NALF1: variants seen among roughly 807,000 people sequenced by gnomAD.
NALF1 encodes the protein family with sequence similarity 155 member A.
A neutral mutation model predicts 48.4 loss-of-function variants in NALF1; 3 were observed. The ratio of observed to expected loss-of-function variants is 0.06; its 90% CI spans 0.03 to 0.16. NALF1 has a LOEUF of 0.16. Among genes scored for constraint, NALF1 ranks in the 10% least tolerant of loss-of-function variants. The probability of loss-of-function intolerance (pLI) is 1.00; values close to 1 mark genes in which losing one functional copy is unlikely to be tolerated. For synonymous variants in NALF1, 262 were observed against 245.7 expected (o/e 1.07, Z -0.62); for missense variants, 526 against 571.5 (o/e 0.92, Z 0.81).
At chr13:107,819,818 CTCTT>C (rs1249074941) in intron 1 of NALF1, among the ~76,000 whole-genome samples, 1 of 151,506 alleles carries the variant, frequency 6.6e-6, no homozygotes, top group Non-Finnish European at 1.5e-5. Context: ...TCTTTTTCTC[CTCTT>C]TCTTCTCTCA....
intron 1 of NALF1, among the ~76,000 whole-genome samples, chr13:107,515,524 T>G (rs1319061725): frequency 6.6e-6 from 1 of 152,202 alleles, no homozygotes; most frequent in African/African-American, 2.4e-5. Context: ...CCACATTACA[T>G]AGTTTCATGA....
intron 1 of NALF1, among the ~76,000 whole-genome samples, chr13:107,796,530 AT>A (rs1193524482): frequency 1.3e-5 from 2 of 152,190 alleles, no homozygotes; most frequent in African/African-American, 2.4e-5. Context: ...TTTCAACTCC[AT>A]CTAAAATTTC....
intron 1 of NALF1, among the ~76,000 whole-genome samples, chr13:107,276,307 T>C (rs562905607): frequency 4.3e-4 from 66 of 152,270 alleles, no homozygotes; most frequent in South Asian, 1.2e-3. Flanking sequence ...ACACATAACT[T>C]CATCTCTTTA....
At chr13:107,406,647 A>ATG (rs1472546533) in intron 1 of NALF1, among the ~76,000 whole-genome samples, 1 of 152,002 alleles carries the variant, frequency 6.6e-6, no homozygotes, top group Non-Finnish European at 1.5e-5. Context: ...GATTAATAGA[A>ATG]TGCCATTCTT....
intron 2 of NALF1, among the ~76,000 whole-genome samples, chr13:107,201,141 T>C (rs1019880957): frequency 2.3e-4 from 35 of 151,248 alleles, no homozygotes; most frequent in African/African-American, 8.1e-4. Context: ...TGCATGTACG[T>C]TGATATCTAT....
intron 1 of NALF1, among the ~76,000 whole-genome samples, chr13:107,720,897 T>A (rs1010787127): frequency 1.3e-5 from 2 of 152,162 alleles, no homozygotes; most frequent in Non-Finnish European, 2.9e-5. Context: ...GCTGGCAGGA[T>A]GATCCAGCAC....
intron 1 of NALF1, among the ~76,000 whole-genome samples, chr13:107,219,959 T>C (rs1879955983): frequency 6.6e-6 from 1 of 152,254 alleles, no homozygotes. Context: ...GAATATATAA[T>C]GCTTTTGGTA....
At chr13:107,799,148 T>C (rs1878524211) in intron 1 of NALF1, among the ~76,000 whole-genome samples, 1 of 152,120 alleles carries the variant, frequency 6.6e-6, no homozygotes, top group Admixed American at 6.5e-5. Flanking sequence ...CCACACACAG[T>C]AGATCAAGGG....
chr13:107,604,350 T>C (rs578124965), intron 1 of NALF1, among the ~76,000 whole-genome samples: 11 of 152,300 alleles, frequency 7.2e-5, no homozygotes, highest in South Asian at 2.1e-4. Context: ...TCAGTCTTTT[T>C]CCCCCTTTCT....
rs528708849 is a variant in NALF1, at chr13:107,476,277, T to A, written c.916-265522A>T. ...ATCCACTCATCAAAGGCGGTGATTATAAAATAAAATATTCCAAACTAGCAT... is the reference window on the plus strand; with the variant it reads ...ATCCACTCATCAAAGGCGGTGATTAAAAAATAAAATATTCCAAACTAGCAT... On this transcript the variant is annotated intron_variant, in intron 1 of 2. Transcript: ENST00000375915. Among the ~76,000 whole-genome samples, 3 of 152,222 alleles carry A rather than the reference T, an allele frequency of 2.0e-5. No individual in the cohort carries two copies. The East Asian group carries it at 5.8e-4, about 29-fold the overall frequency.
At position 107,186,272 on chromosome 13, in the gene NALF1, C is replaced by G. The variant is rs74113909; in HGVS notation, c.1088-15486G>C. Among the ~76,000 whole-genome samples, 350 of 152,310 alleles carry G rather than the reference C, an allele frequency of 2.3e-3. 1 individual carries two copies. The highest frequency in any genetic ancestry group is 8.1e-3 in the African/African-American group (337 of 41,558). The stretch of plus-strand genomic sequence containing the variant: ...GGGGACTACTGTATCTGTGAACTGC[C>G]TGTTCAAGGTGATCTGGACTTTTTC... On this transcript the variant is annotated intron_variant, in intron 2 of 2. Coordinates refer to ENST00000375915, the MANE Select transcript of NALF1 (RefSeq NM_001080396.3).
At position 107,866,700 on chromosome 13, in the gene NALF1, C is replaced by T; in HGVS notation, c.-104G>A. On this transcript the variant is annotated 5_prime_UTR_variant, in exon 1 of 3. Coordinates refer to ENST00000375915, the MANE Select transcript of NALF1 (RefSeq NM_001080396.3). This position sits in a 1 kb window ranked among gnomAD's most constrained non-coding sequence, Gnocchi z 4.4. ...AAGGGTTTAATTTCCTTATCCCCTC[C>T]TCCCGTTTCTTCTCTCTCCTCTCTC... 3 of 898,320 alleles carry T rather than the reference C, an allele frequency of 3.3e-6. No homozygotes were observed. The highest frequency in any genetic ancestry group is 5.1e-6 in the Non-Finnish European group (3 of 591,366). 55.6% of individuals were successfully genotyped at this position (898,320 alleles called of 1,614,324 possible). A position where few individuals can be genotyped will look rare whatever the true frequency, so the allele number is the denominator to read the frequency against.
At chr13:107,359,264 G>T (rs1185379492) in intron 1 of NALF1, among the ~76,000 whole-genome samples, 1 of 151,920 alleles carries the variant, frequency 6.6e-6, no homozygotes, top group Non-Finnish European at 1.5e-5. Context: ...CAACATTCAT[G>T]TATGGTACCA....
At chr13:107,348,239 T>C (rs916694025) in intron 1 of NALF1, among the ~76,000 whole-genome samples, 1 of 152,212 alleles carries the variant, frequency 6.6e-6, no homozygotes, top group Non-Finnish European at 1.5e-5. Flanking sequence ...CAAGTTACTG[T>C]GTACTTTATG....
At chr13:107,347,850 T>A (rs976016151) in intron 1 of NALF1, among the ~76,000 whole-genome samples, 17 of 152,222 alleles carry the variant, frequency 1.1e-4, no homozygotes, top group African/African-American at 3.9e-4. Context: ...TGGTTGTGCA[T>A]GAAATGTTCC....
intron 1 of NALF1, among the ~76,000 whole-genome samples, chr13:107,519,459 T>C (rs950766415): frequency 1.3e-5 from 2 of 150,562 alleles, no homozygotes; most frequent in African/African-American, 5.0e-5. Context: ...AAACCTACTG[T>C]TTTAAGAATG....
At chr13:107,513,053 T>C (rs555255274) in intron 1 of NALF1, among the ~76,000 whole-genome samples, 113 of 152,258 alleles carry the variant, frequency 7.4e-4, no homozygotes, top group African/African-American at 2.6e-3. Flanking sequence ...CAAGCCAATA[T>C]GTCTTCCAAA....
chr13:107,615,834 T>C (rs1879364336), intron 1 of NALF1, among the ~76,000 whole-genome samples: 2 of 152,190 alleles, frequency 1.3e-5, no homozygotes, highest in South Asian at 2.1e-4. Flanking sequence ...AGCAATATGG[T>C]ATCTGCTTGG....
chr13:107,505,916 C>T (rs1239704940), intron 1 of NALF1, among the ~76,000 whole-genome samples: 4 of 152,068 alleles, frequency 2.6e-5, no homozygotes, highest in Non-Finnish European at 4.4e-5. Flanking sequence ...ACATCATCGG[C>T]AGAGTGGTTT....
Sources: gnomAD v4.1 joint callset for allele counts (sites outside exome capture counted in the v4.1 genomes callset) on GRCh38, gnomAD v4.1.1 for gene constraint, Gnocchi (gnomAD v3.1) non-coding constraint, MANE v1.5 for transcripts, NCBI Gene and HGNC (gene_info 2026-07-23, HGNC 2026-07-21) for gene names.